Variants in GRIK2 observed in about 807,000 individuals in gnomAD.
The protein encoded by GRIK2 is glutamate ionotropic receptor kainate type subunit 2, also known as glutamate receptor ionotropic, kainate 2.
Under a neutral mutation model 100.3 loss-of-function variants are expected in GRIK2, and 32 were observed. That is an observed-to-expected ratio of 0.32 (90% CI 0.24 to 0.43). GRIK2 has a LOEUF of 0.43. Among genes scored for constraint, GRIK2 ranks in the 20% least tolerant of loss-of-function variants. The pLI, the probability that GRIK2 is intolerant of heterozygous loss-of-function variation, is 1.00. For synonymous variants in GRIK2, 417 were observed against 389.4 expected, an observed-to-expected ratio of 1.07 and a Z score of -0.83; for missense variants, 843 against 1,114.9, an observed-to-expected ratio of 0.76 and a Z score of 3.47.
chr6:101,581,633 T>A (rs541565), intron 2 of GRIK2, among the ~76,000 whole-genome samples: 1 of 151,864 alleles, frequency 6.6e-6, no homozygotes, highest in Non-Finnish European at 1.5e-5. Context: ...ACAACACTAG[T>A]GTAAGTGCTG....
intron 2 of GRIK2, among the ~76,000 whole-genome samples, chr6:101,618,702 G>T (rs1244903098): frequency 6.6e-6 from 1 of 151,528 alleles, no homozygotes; most frequent in African/African-American, 2.4e-5. Flanking sequence ...TTGTTTTAGT[G>T]GAGGCTTGTT....
At chr6:101,597,663 A>G (rs1460955126) in intron 2 of GRIK2, among the ~76,000 whole-genome samples, 2 of 151,826 alleles carry the variant, frequency 1.3e-5, no homozygotes, top group Admixed American at 6.6e-5. Flanking sequence ...AGTTTTAAAC[A>G]AAGTTAATGT....
At chr6:101,931,208 T>G (rs1225389425) in intron 14 of GRIK2, among the ~76,000 whole-genome samples, 1 of 152,118 alleles carries the variant, frequency 6.6e-6, no homozygotes, top group African/African-American at 2.4e-5. Flanking sequence ...ATTCTAGCAG[T>G]CTGGAATTCA....
At chr6:101,567,919 C>A (rs879452004) in intron 2 of GRIK2, among the ~76,000 whole-genome samples, 4 of 151,704 alleles carry the variant, frequency 2.6e-5, no homozygotes, top group Admixed American at 1.3e-4. Flanking sequence ...CTAATTTTAC[C>A]TTTTAAAATA....
chr6:101,549,702 T>C (rs1776416771), intron 2 of GRIK2, among the ~76,000 whole-genome samples: 1 of 152,180 alleles, frequency 6.6e-6, no homozygotes, highest in Admixed American at 6.6e-5. Context: ...AGGTATCTGC[T>C]CTTTTTTGAC....
chr6:102,048,050 T>A (rs1457622040), intron 15 of GRIK2, among the ~76,000 whole-genome samples: 1 of 134,364 alleles, frequency 7.4e-6, no homozygotes, highest in African/African-American at 2.6e-5. Context: ...GTATGGAGGG[T>A]GCAGAAATGA....
At chr6:101,979,148 A>C (rs1793570402) in intron 14 of GRIK2, among the ~76,000 whole-genome samples, 1 of 152,062 alleles carries the variant, frequency 6.6e-6, no homozygotes, top group African/African-American at 2.4e-5. Context: ...GGTAAGAGAA[A>C]GCAAGAAAGT....
At chr6:101,619,746 C>A (rs758983158) in intron 2 of GRIK2, among the ~76,000 whole-genome samples, 17 of 151,910 alleles carry the variant, frequency 1.1e-4, no homozygotes, top group Non-Finnish European at 1.9e-4. Flanking sequence ...TTTTTAGTTA[C>A]GTCTTATTAA....
chr6:101,792,216 T>A (rs1205069619), intron 7 of GRIK2, among the ~76,000 whole-genome samples: 1 of 151,814 alleles, frequency 6.6e-6, no homozygotes, highest in South Asian at 2.1e-4. Context: ...CATTTAAAGT[T>A]AATATTGTTA....
intron 14 of GRIK2, among the ~76,000 whole-genome samples, chr6:101,962,335 GA>G (rs5878704): frequency 0.95 from 142,984 of 151,230 alleles, 67,608 homozygotes; most frequent in African/African-American, 0.97. Context: ...CAGCCATCTT[GA>G]AAAAAAAAAC....
At chr6:101,409,414 A>G (rs1775768714) in intron 2 of GRIK2, among the ~76,000 whole-genome samples, 2 of 152,262 alleles carry the variant, frequency 1.3e-5, no homozygotes, top group Middle Eastern at 3.4e-3. Flanking sequence ...CTAAGAATGT[A>G]TTCCTGTTGT....
At chr6:101,910,839 C>CCACACACACACACACACACACACACA (rs142489212) in intron 12 of GRIK2, among the ~76,000 whole-genome samples, 12 of 143,262 alleles carry the variant, frequency 8.4e-5, no homozygotes, top group African/African-American at 3.2e-4. Flanking sequence ...CCAACATACA[C>CCACACACACACACACACACACACACA]CACACACACA....
chr6:101,705,301 CT>C (rs1299561306), intron 7 of GRIK2, among the ~76,000 whole-genome samples: 1 of 150,808 alleles, frequency 6.6e-6, no homozygotes, highest in African/African-American at 2.4e-5. Flanking sequence ...TCTTCTTCTT[CT>C]TTTTTTTAAC....
chr6:101,819,535 C>T (rs925767327), intron 10 of GRIK2, among the ~76,000 whole-genome samples: 3 of 152,208 alleles, frequency 2.0e-5, no homozygotes, highest in East Asian at 1.9e-4. Context: ...AGTGGATACT[C>T]GCTCTCTCTG....
intron 2 of GRIK2, among the ~76,000 whole-genome samples, chr6:101,557,537 G>A (rs2128294427): frequency 6.6e-6 from 1 of 152,158 alleles, no homozygotes; most frequent in South Asian, 2.1e-4. Context: ...TAATAAAGTG[G>A]GGTTTTCTTT....
In GRIK2 at chr6:101,593,409, G is replaced by A. The variant is rs1338577811; in HGVS notation, c.116-28540G>A. On this transcript the variant is annotated intron_variant, in intron 2 of 16. Coordinates refer to ENST00000369134, the MANE Select transcript of GRIK2 (RefSeq NM_021956.5). ...AATAATAATAATTAAGATTTCTGTA[G>A]TTATTTATATTTTACAGAGTGCTTT... Among the ~76,000 whole-genome samples the A allele has an allele frequency of 4.0e-5, 6 of 151,776 alleles. No individual in the cohort carries two copies. In the Admixed American group the frequency reaches 4.0e-4, roughly 10 times the overall value.
chr6:101,724,345 C>G (rs540428674), intron 7 of GRIK2, among the ~76,000 whole-genome samples: 3 of 151,876 alleles, frequency 2.0e-5, no homozygotes, highest in African/African-American at 7.3e-5. Context: ...GTGTCCCTCC[C>G]TCTCTTCCCC....
At chr6:101,461,089 A>C (rs1325698441) in intron 2 of GRIK2, among the ~76,000 whole-genome samples, 1 of 152,236 alleles carries the variant, frequency 6.6e-6, no homozygotes, top group African/African-American at 2.4e-5. Flanking sequence ...AAAACAGAAG[A>C]GTCAACTAAT....
chr6:101,853,328 T>C (rs1784246294), intron 10 of GRIK2, among the ~76,000 whole-genome samples: 1 of 152,134 alleles, frequency 6.6e-6, no homozygotes, highest in Non-Finnish European at 1.5e-5. Context: ...TTGAAACATA[T>C]GAAAAAATGC....
Sources: allele counts gnomAD v4.1 joint callset (sites outside exome capture counted in the v4.1 genomes callset), GRCh38; gene constraint gnomAD v4.1.1; transcripts MANE v1.5; gene names NCBI Gene and HGNC (gene_info 2026-07-23, HGNC 2026-07-21).